ATP10A: variants seen among roughly 807,000 people sequenced by gnomAD.
ATP10A encodes phospholipid-transporting ATPase VA.
In ATP10A, 111 loss-of-function variants were observed where a neutral mutation model predicts 147.8. The ratio of observed to expected loss-of-function variants is 0.75; its 90% CI spans 0.64 to 0.88. The LOEUF is 0.88. Among genes scored for constraint, ATP10A ranks in the 40% least tolerant of loss-of-function variants. The pLI is 0.00. For synonymous variants in ATP10A, 875 were observed against 841.6 expected (o/e 1.04, Z -0.69); for missense variants, 1,927 against 1,959.0 (o/e 0.98, Z 0.31).
intron 2 of ATP10A, among the ~76,000 whole-genome samples, chr15:25,757,828 C>T (rs186971458): frequency 1.9e-3 from 289 of 148,374 alleles, no homozygotes; most frequent in Middle Eastern, 7.2e-3. Flanking sequence ...ACCTGCTCCA[C>T]CCTAACTCAT....
At chr15:25,822,212 A>T (rs1158226792) in intron 1 of ATP10A, among the ~76,000 whole-genome samples, 1 of 152,128 alleles carries the variant, frequency 6.6e-6, no homozygotes, top group African/African-American at 2.4e-5. Flanking sequence ...TGTCTTTAAT[A>T]CTTTTAGATC....
At chr15:25,839,677 T>G (rs975095636) in intron 1 of ATP10A, among the ~76,000 whole-genome samples, 12 of 152,162 alleles carry the variant, frequency 7.9e-5, no homozygotes, top group African/African-American at 2.4e-4. Context: ...TTTCCATGTC[T>G]TCTTCTTATG....
chr15:25,803,910 A>G (rs4906777), intron 1 of ATP10A, among the ~76,000 whole-genome samples: 41,475 of 152,032 alleles, frequency 0.27, 6,599 homozygotes, highest in African/African-American at 0.44. Flanking sequence ...GTATTGCTTC[A>G]CCCCAAGACA....
intron 3 of ATP10A, among the ~76,000 whole-genome samples, chr15:25,729,026 C>T (rs544896468): frequency 2.2e-4 from 33 of 152,270 alleles, no homozygotes; most frequent in African/African-American, 7.0e-4. Flanking sequence ...CACACAGGTA[C>T]GAGGCTCAAC....
At chr15:25,825,437 G>C (rs1355807045) in intron 1 of ATP10A, among the ~76,000 whole-genome samples, 2 of 152,074 alleles carry the variant, frequency 1.3e-5, no homozygotes, top group Admixed American at 6.5e-5. Context: ...GGACATGAGA[G>C]GGCCATGAGC....
At chr15:25,823,278 T>C (rs1236067497) in intron 1 of ATP10A, among the ~76,000 whole-genome samples, 2 of 152,220 alleles carry the variant, frequency 1.3e-5, no homozygotes, top group African/African-American at 2.4e-5. Context: ...GTATCGATGA[T>C]AGTAATAGTA....
chr15:25,702,940 T>G (rs1900756374), intron 12 of ATP10A, among the ~76,000 whole-genome samples: 1 of 151,960 alleles, frequency 6.6e-6, no homozygotes, highest in Non-Finnish European at 1.5e-5. Context: ...GTCCCCCAGA[T>G]CCATAGGAGG....
chr15:25,773,615 G>C (rs1218364402), intron 2 of ATP10A, among the ~76,000 whole-genome samples: 1 of 152,086 alleles, frequency 6.6e-6, no homozygotes, highest in Non-Finnish European at 1.5e-5. Flanking sequence ...ATCCACTTCT[G>C]CAACACTATA....
intron 2 of ATP10A, among the ~76,000 whole-genome samples, chr15:25,778,969 C>A (rs528028807): frequency 6.6e-6 from 1 of 151,554 alleles, no homozygotes; most frequent in South Asian, 2.1e-4. Context: ...CTCTGCCTCC[C>A]GGGTTCAAGC....
At chr15:25,795,480 GAACTGTTTT>G (rs1360097362) in intron 1 of ATP10A, among the ~76,000 whole-genome samples, 2 of 152,146 alleles carry the variant, frequency 1.3e-5, no homozygotes, top group Admixed American at 1.3e-4. Flanking sequence ...ATAGGAACAA[GAACTGTTTT>G]AACATTTTTG....
At chr15:25,776,924 C>A (rs1889634871) in intron 2 of ATP10A, among the ~76,000 whole-genome samples, 1 of 152,148 alleles carries the variant, frequency 6.6e-6, no homozygotes, top group Non-Finnish European at 1.5e-5. Context: ...CTTTCTGGAA[C>A]CTCCCTTGAC....
At chr15:25,770,203 C>T (rs1410576981) in intron 2 of ATP10A, among the ~76,000 whole-genome samples, 2 of 152,172 alleles carry the variant, frequency 1.3e-5, no homozygotes, top group African/African-American at 4.8e-5. Flanking sequence ...CAACACGACC[C>T]GGGCGAGGTG....
chr15:25,807,271 C>G (rs1891229256), intron 1 of ATP10A, among the ~76,000 whole-genome samples: 1 of 152,226 alleles, frequency 6.6e-6, no homozygotes, highest in African/African-American at 2.4e-5. Context: ...GCAGGTGGGG[C>G]AGCCAGCAGG....
chr15:25,741,046 C>G (rs1887555536), intron 2 of ATP10A, among the ~76,000 whole-genome samples: 1 of 152,188 alleles, frequency 6.6e-6, no homozygotes, highest in Non-Finnish European at 1.5e-5. Flanking sequence ...GAGAAGCCTT[C>G]CTGACGGCCC....
At chr15:25,685,295 G>A (rs1024782273) in intron 16 of ATP10A, among the ~76,000 whole-genome samples, 1 of 152,062 alleles carries the variant, frequency 6.6e-6, no homozygotes, top group African/African-American at 2.4e-5. Flanking sequence ...ACAAAGGCCT[G>A]GCATTTTTAT....
At chr15:25,790,561 C>T (rs1313489960) in intron 1 of ATP10A, among the ~76,000 whole-genome samples, 1 of 152,334 alleles carries the variant, frequency 6.6e-6, no homozygotes, top group African/African-American at 2.4e-5. Flanking sequence ...GAAAGTGACA[C>T]ACCATGCTAT....
rs561037764 is a variant in ATP10A, at chr15:25,824,424, T to C, written c.449+38224A>G. ...AGGTGGTTGAGGCTACAGAGAGCTG[T>C]GATCACACCACTGCACTCCAGCCTG... On this transcript the variant is annotated intron_variant, in intron 1 of 20. Coordinates refer to ENST00000555815, the MANE Select transcript of ATP10A (RefSeq NM_024490.4). 4.0e-5 allele frequency among the ~76,000 whole-genome samples: 6 copies of C among 149,826 alleles called. No individual in the cohort carries two copies. The South Asian group carries it at 1.3e-3, about 31-fold the overall frequency.
At chr15:25,854,150 T>C (rs1401947180) in intron 1 of ATP10A, among the ~76,000 whole-genome samples, 1 of 152,054 alleles carries the variant, frequency 6.6e-6, no homozygotes, top group Non-Finnish European at 1.5e-5. Flanking sequence ...CCAAAATAGA[T>C]GAGCCTGGAA....
rs1323621699 is a variant in ATP10A at position 25,708,484 on chromosome 15, GTTTTAT to G, written c.2345-190_2345-185del. 3 of 351,564 alleles carry G rather than the reference GTTTTAT, an allele frequency of 8.5e-6. No homozygotes were observed. In the East Asian group the frequency reaches 1.8e-4, roughly 21 times the overall value. The allele number at this position is 351,564 out of a possible 1,614,324, so 21.8% of individuals were successfully genotyped here. ...AAGAGTCTCATCAATATGTTTGACT[GTTTTAT>G]TTTATTTTTTTATAGAGACAGGGTT... On this transcript the variant is annotated intron_variant, in intron 10 of 20. Coordinates refer to ENST00000555815, the MANE Select transcript of ATP10A (RefSeq NM_024490.4).
Sources: allele counts gnomAD v4.1 joint callset (sites outside exome capture counted in the v4.1 genomes callset), GRCh38; gene constraint gnomAD v4.1.1; transcripts MANE v1.5; gene names NCBI Gene and HGNC (gene_info 2026-07-23, HGNC 2026-07-21).